PKD2: variants seen among roughly 807,000 people sequenced by gnomAD.
PKD2 encodes the protein polycystin-2.
PKD2 carries 48 observed loss-of-function variants against 105.9 expected under a neutral mutation model. That is an observed-to-expected ratio of 0.45 (90% CI 0.36 to 0.58). The LOEUF (loss-of-function observed/expected upper bound fraction) is 0.58, where lower values mean the gene tolerates loss of function less well. Ranked by LOEUF, PKD2 falls within the 20% of genes least tolerant of loss-of-function variation. The pLI is 0.00. For missense variants in PKD2, 1,078 were observed against 1,255.3 expected (o/e 0.86, Z 2.13); for synonymous variants, 464 against 481.1 (o/e 0.96, Z 0.46).
chr4:88,059,491 G>A (rs931210661), intron 9 of PKD2, among the ~76,000 whole-genome samples: 18 of 152,028 alleles, frequency 1.2e-4, no homozygotes, highest in African/African-American at 3.9e-4. Flanking sequence ...TTATCAATCT[G>A]CCAAACAAGG....
Position 88,075,838 on chromosome 4 carries a change from A to T in PKD2, c.*144A>T, listed in dbSNP as rs1487004484. ...TTGCTAATCTTCTGCACTTTAATTTATTTTATATAAACTTTACCCATGGTT... is the reference window on the plus strand; with the variant it reads ...TTGCTAATCTTCTGCACTTTAATTTTTTTTATATAAACTTTACCCATGGTT... On this transcript the variant is annotated 3_prime_UTR_variant, in exon 15 of 15. Transcript: ENST00000237596. 1.4e-6 allele frequency: 1 copy of T among 729,374 alleles called. No homozygotes were observed. Among genetic ancestry groups the T allele is most frequent in the Non-Finnish European group, 2.4e-6 (1 of 410,308 alleles). 45.2% of individuals were successfully genotyped at this position (729,374 alleles called of 1,614,324 possible).
intron 6 of PKD2, among the ~76,000 whole-genome samples, chr4:88,048,297 T>G (rs1727850234): frequency 6.6e-6 from 1 of 152,158 alleles, no homozygotes; most frequent in Non-Finnish European, 1.5e-5. Context: ...CTCCTAAAAA[T>G]TCATTTGGCC....
Position 88,076,222 on chromosome 4 carries a change from G to A in PKD2, c.*528G>A, listed in dbSNP as rs1280855709. On this transcript the variant is annotated 3_prime_UTR_variant, in exon 15 of 15. Coordinates refer to ENST00000237596, the MANE Select transcript of PKD2 (RefSeq NM_000297.4). ...CTTTTCTAAAAGATAAAATGGAAAG[G>A]AACTCCAAACTATGATAGAATCTGT... The A allele has an allele frequency of 6.3e-6, 1 of 159,540 alleles. No individual in the cohort carries two copies. Among genetic ancestry groups the A allele is most frequent in the Non-Finnish European group, 1.4e-5 (1 of 72,390 alleles). 9.9% of individuals were successfully genotyped at this position (159,540 alleles called of 1,614,324 possible). A position where few individuals can be genotyped will look rare whatever the true frequency, so the allele number is the denominator to read the frequency against.
intron 5 of PKD2, among the ~76,000 whole-genome samples, chr4:88,045,416 G>A (rs1264257223): frequency 1.3e-5 from 2 of 152,198 alleles, no homozygotes; most frequent in African/African-American, 2.4e-5. Context: ...TCTCTGACCA[G>A]TTCTAATTTA....
At chr4:88,074,990 CT>C (rs1316986212) in intron 14 of PKD2, 31 bp downstream of exon 14, 13 of 1,606,590 alleles carry the variant, frequency 8.1e-6, no homozygotes, top group Non-Finnish European at 1.0e-5. Flanking sequence ...AACACCGCTG[CT>C]GAGCATGGTG....
chr4:88,055,051 C>G (rs566920046), intron 7 of PKD2, among the ~76,000 whole-genome samples: 1 of 152,294 alleles, frequency 6.6e-6, no homozygotes, highest in Non-Finnish European at 1.5e-5. Context: ...GCCTTATCTA[C>G]CAACATGCTC....
intron 9 of PKD2, among the ~76,000 whole-genome samples, chr4:88,059,814 A>G (rs183824299): frequency 2.4e-4 from 36 of 152,248 alleles, no homozygotes; most frequent in African/African-American, 8.7e-4. Flanking sequence ...TCTACTTTCA[A>G]TACAAACCTG....
chr4:88,063,252 A>G (rs1472295035), intron 10 of PKD2, among the ~76,000 whole-genome samples: 1 of 152,260 alleles, frequency 6.6e-6, no homozygotes, highest in African/African-American at 2.4e-5. Context: ...AAAATGGATA[A>G]TTGAAAAAGA....
chr4:88,007,932 C>T lies in PKD2; in HGVS notation c.199C>T (p.Pro67Ser), dbSNP rs1426011277. The change falls in exon 1 of 15, where the codon CCC (proline) becomes TCC (serine). Residue 67 changes from proline to serine, a missense_variant. Around this residue, in one of 2 missense-constraint regions of PKD2, gnomAD observed 210 missense variants for 187.9 expected, o/e 1.12. Transcript: ENST00000237596. Reference sequence around the variant, plus strand: ...CATCCGGCAGGCGGCCGCGCGGGACCCCCCGGCCGGAGCCGCGGCCTCCCC... The same window carrying T: ...CATCCGGCAGGCGGCCGCGCGGGACTCCCCGGCCGGAGCCGCGGCCTCCCC... ...QRIRQAAARD[P>S]PAGAAASPSP... 10 of 1,455,712 alleles carry T rather than the reference C, an allele frequency of 6.9e-6. No homozygotes were observed. The highest frequency in any genetic ancestry group is 9.1e-6 in the Non-Finnish European group (10 of 1,102,102). The allele number at this position is 1,455,712 out of a possible 1,614,324, so 90.2% of individuals were successfully genotyped here. A position where few individuals can be genotyped will look rare whatever the true frequency, so the allele number is the denominator to read the frequency against.
chr4:88,047,248 G>C (rs1284999653), intron 6 of PKD2, among the ~76,000 whole-genome samples: 1 of 151,880 alleles, frequency 6.6e-6, no homozygotes, highest in Non-Finnish European at 1.5e-5. Context: ...GCACATGTGT[G>C]AAGTTACAGC....
chr4:88,024,130 T>G (rs1025853820), intron 2 of PKD2, among the ~76,000 whole-genome samples: 15 of 151,950 alleles, frequency 9.9e-5, no homozygotes, highest in African/African-American at 3.6e-4. Context: ...GGTGTTGAAG[T>G]TCAAGAAAGG....
At chr4:88,053,895 C>T (rs1005069855) in intron 7 of PKD2, among the ~76,000 whole-genome samples, 3 of 152,096 alleles carry the variant, frequency 2.0e-5, no homozygotes, top group African/African-American at 7.2e-5. Flanking sequence ...GAACACTTAA[C>T]ATGTGGCTAG....
chr4:88,046,636 A>G lies in PKD2; in HGVS notation c.1320-6A>G. ...TATTGTTTTAATTGTTCTTATTTAC[A>G]TGCAGGTTATTGGTTGAATTCCCAG... On this transcript the variant is annotated splice_polypyrimidine_tract_variant and splice_region_variant and intron_variant, in intron 5 of 14. Coordinates refer to ENST00000237596, the MANE Select transcript of PKD2 (RefSeq NM_000297.4). The G allele has an allele frequency of 6.6e-7, 1 of 1,518,382 alleles. No homozygotes were observed. Among genetic ancestry groups the G allele is most frequent in the African/African-American group, 1.4e-5 (1 of 73,168 alleles). 94.1% of individuals were successfully genotyped at this position (1,518,382 alleles called of 1,614,324 possible).
In PKD2 at chr4:88,030,025, T is replaced by C. The variant is rs998008546; in HGVS notation, c.710-6195T>C. 3.3e-5 allele frequency among the ~76,000 whole-genome samples: 5 copies of C among 152,188 alleles called. No homozygotes were observed. The East Asian group carries it at 5.8e-4, about 18-fold the overall frequency. Reference sequence around the variant, plus strand: ...TGAAAGTGACAAGATTCCTTTAAGTTTTAAGAGGCCTCGAAATATGAACCA... The same window carrying C: ...TGAAAGTGACAAGATTCCTTTAAGTCTTAAGAGGCCTCGAAATATGAACCA... On this transcript the variant is annotated intron_variant, in intron 2 of 14. Transcript: ENST00000237596.
intron 2 of PKD2, among the ~76,000 whole-genome samples, chr4:88,020,576 G>A (rs1021722552): frequency 2.0e-5 from 3 of 152,036 alleles, no homozygotes; most frequent in South Asian, 4.1e-4. Flanking sequence ...AAGGGCGTTC[G>A]ATGATGGATT....
intron 2 of PKD2, among the ~76,000 whole-genome samples, chr4:88,021,061 A>G (rs1726730756): frequency 6.6e-6 from 1 of 152,234 alleles, no homozygotes; most frequent in Non-Finnish European, 1.5e-5. Flanking sequence ...CATTAAAATG[A>G]TGCTTAAACA....
At chr4:88,050,533 T>C (rs1720029941) in intron 6 of PKD2, among the ~76,000 whole-genome samples, 1 of 152,216 alleles carries the variant, frequency 6.6e-6, no homozygotes. Context: ...TTCAAAGACA[T>C]TGATGTTGTA....
chr4:88,036,490 TAGA>T (rs987521327), intron 3 of PKD2, 137 bp downstream of exon 3: 71 of 1,458,226 alleles, frequency 4.9e-5, no homozygotes, highest in Non-Finnish European at 6.5e-5. Context: ...GGTGAGTTGT[TAGA>T]AGTTACTGTT....
intron 6 of PKD2, 123 bp from the exon 7 acceptor site, chr4:88,051,868 G>A (rs1404996768): frequency 2.3e-5 from 14 of 611,682 alleles, no homozygotes; most frequent in East Asian, 8.4e-5. Context: ...GAATGACATC[G>A]GGTAAGTATA....
Sources: allele counts gnomAD v4.1 joint callset (sites outside exome capture counted in the v4.1 genomes callset), GRCh38; gene constraint gnomAD v4.1.1; regional missense constraint gnomAD v4.1.1; transcripts MANE v1.5; gene names NCBI Gene and HGNC (gene_info 2026-07-23, HGNC 2026-07-21).